The following MAGI2 variants were observed in gnomAD, a reference collection of about 807,000 sequenced individuals.
MAGI2 encodes the protein membrane-associated guanylate kinase, WW and PDZ domain-containing protein 2.
A neutral mutation model predicts 133.3 loss-of-function variants in MAGI2; 35 were observed. The ratio of observed to expected loss-of-function variants is 0.26; its 90% CI spans 0.20 to 0.35. The LOEUF (loss-of-function observed/expected upper bound fraction) is 0.35, where lower values mean the gene tolerates loss of function less well. Among genes scored for constraint, MAGI2 ranks in the 10% least tolerant of loss-of-function variants. The probability of loss-of-function intolerance (pLI) is 1.00; values close to 1 mark genes in which losing one functional copy is unlikely to be tolerated. For synonymous variants in MAGI2, 729 were observed against 710.6 expected (o/e 1.03, Z -0.41); for missense variants, 1,636 against 1,863.4 (o/e 0.88, Z 2.25).
chr7:78,734,490 A>T (rs1821663190), intron 2 of MAGI2, among the ~76,000 whole-genome samples: 2 of 152,154 alleles, frequency 1.3e-5, no homozygotes, highest in African/African-American at 4.8e-5. Flanking sequence ...AATTGCATTT[A>T]TGGCCTCAAT....
intron 2 of MAGI2, among the ~76,000 whole-genome samples, chr7:79,004,486 A>G (rs1314624170): frequency 1.3e-5 from 2 of 152,194 alleles, no homozygotes; most frequent in African/African-American, 2.4e-5. Flanking sequence ...AGGTAGATTA[A>G]TGGGTACAAA....
At chr7:78,279,130 T>C (rs2151005964) in intron 9 of MAGI2, among the ~76,000 whole-genome samples, 1 of 152,296 alleles carries the variant, frequency 6.6e-6, no homozygotes, top group South Asian at 2.1e-4. Context: ...CTTTACTTAC[T>C]TGGTACAGCA....
chr7:79,192,885 A>G (rs556523568), intron 1 of MAGI2, among the ~76,000 whole-genome samples: 10 of 151,952 alleles, frequency 6.6e-5, no homozygotes. Flanking sequence ...GTTGGGGGAG[A>G]GAGCAAAACA....
At chr7:78,596,136 G>C (rs912474426) in intron 3 of MAGI2, among the ~76,000 whole-genome samples, 1 of 142,124 alleles carries the variant, frequency 7.0e-6, no homozygotes, top group African/African-American at 2.6e-5. Flanking sequence ...GAAGGAAGGA[G>C]GGAAAGAATG....
At chr7:78,560,881 C>A (rs1488445111) in intron 3 of MAGI2, among the ~76,000 whole-genome samples, 1 of 152,156 alleles carries the variant, frequency 6.6e-6, no homozygotes, top group Non-Finnish European at 1.5e-5. Context: ...CTAGTAGATG[C>A]AGCTGAGGCA....
intron 6 of MAGI2, among the ~76,000 whole-genome samples, chr7:78,488,324 G>A (rs762441356): frequency 3.3e-5 from 5 of 151,960 alleles, no homozygotes; most frequent in African/African-American, 4.8e-5. Context: ...TTATGCTTGC[G>A]TCTCTCTCAG....
intron 6 of MAGI2, among the ~76,000 whole-genome samples, chr7:78,406,871 A>G (rs934539631): frequency 6.6e-6 from 1 of 152,088 alleles, no homozygotes; most frequent in Non-Finnish European, 1.5e-5. Flanking sequence ...ATAGCTTCCT[A>G]AATTCATGAC....
intron 1 of MAGI2, among the ~76,000 whole-genome samples, chr7:79,138,863 G>C: frequency 6.6e-6 from 1 of 151,716 alleles, no homozygotes; most frequent in Middle Eastern, 3.2e-3. Flanking sequence ...AAAATTAGCC[G>C]GGTGTGGTGG....
At chr7:78,127,834 A>C (rs1467145383) in intron 18 of MAGI2, among the ~76,000 whole-genome samples, 1 of 152,096 alleles carries the variant, frequency 6.6e-6, no homozygotes, top group African/African-American at 2.4e-5. Context: ...TTTCTCTCAC[A>C]CACACCCCTT....
At chr7:79,320,625 G>C (rs1389729603) in intron 1 of MAGI2, among the ~76,000 whole-genome samples, 2 of 152,082 alleles carry the variant, frequency 1.3e-5, no homozygotes, top group African/African-American at 4.8e-5. Flanking sequence ...TTAGGTCATA[G>C]AACAATAGAT....
intron 2 of MAGI2, among the ~76,000 whole-genome samples, chr7:78,872,678 A>T (rs1795127602): frequency 6.7e-6 from 1 of 149,938 alleles, no homozygotes; most frequent in African/African-American, 2.5e-5. Context: ...TATTTTGTTT[A>T]TGCTTTTAGT....
chr7:79,229,080 A>T (rs1831128299), intron 1 of MAGI2, among the ~76,000 whole-genome samples: 1 of 151,524 alleles, frequency 6.6e-6, no homozygotes, highest in African/African-American at 2.4e-5. Context: ...TGTATACGAC[A>T]ATGATTTTTT....
intron 1 of MAGI2, among the ~76,000 whole-genome samples, chr7:79,123,377 G>C (rs1035044066): frequency 6.6e-6 from 1 of 152,048 alleles, no homozygotes; most frequent in African/African-American, 2.4e-5. Context: ...TTTTGGCTCC[G>C]TCATTTACCA....
chr7:79,335,363 GTGATA>G (rs1295481193), intron 1 of MAGI2, among the ~76,000 whole-genome samples: 3 of 152,074 alleles, frequency 2.0e-5, no homozygotes, highest in African/African-American at 7.2e-5. Flanking sequence ...AATGCCTGCT[GTGATA>G]TGAGTGGCAT....
chr7:78,090,021 TCTTC>T (rs1214843435), intron 20 of MAGI2, among the ~76,000 whole-genome samples: 1 of 152,160 alleles, frequency 6.6e-6, no homozygotes, highest in Non-Finnish European at 1.5e-5. Context: ...CTTCCTCCAC[TCTTC>T]CTTCCTCGGC....
chr7:78,525,749 A>C (rs1244594035), intron 3 of MAGI2, among the ~76,000 whole-genome samples: 1 of 152,214 alleles, frequency 6.6e-6, no homozygotes, highest in East Asian at 1.9e-4. Context: ...AATTCAGTTA[A>C]AGTGGGAAAG....
Position 78,332,697 on chromosome 7 carries a change from CAAAAAA to C in MAGI2, c.1408+11075_1408+11080del, listed in dbSNP as rs35777998. 2.6e-5 allele frequency among the ~76,000 whole-genome samples: 3 copies of C among 117,326 alleles called. No homozygotes were observed. The Admixed American group carries it at 2.6e-4, about 10-fold the overall frequency. 77.0% of individuals were successfully genotyped at this position (117,326 alleles called of 152,430 possible). A position where few individuals can be genotyped will look rare whatever the true frequency, so the allele number is the denominator to read the frequency against. On this transcript the variant is annotated intron_variant, in intron 9 of 21. Coordinates refer to ENST00000354212, the MANE Select transcript of MAGI2 (RefSeq NM_012301.4). ...TGGGTGACAGAGCGAGACTCCGTCT[CAAAAAA>C]AAAAAAAAAAAAAAAGGAGAGTAGT...
intron 9 of MAGI2, among the ~76,000 whole-genome samples, chr7:78,269,783 G>A (rs1045850519): frequency 6.6e-6 from 1 of 152,116 alleles, no homozygotes; most frequent in African/African-American, 2.4e-5. Context: ...GATCCCATTT[G>A]TCAATTTTGG....
At chr7:79,405,921 C>CAAAAA (rs34025242) in intron 1 of MAGI2, among the ~76,000 whole-genome samples, 12 of 107,232 alleles carry the variant, frequency 1.1e-4, no homozygotes, top group Non-Finnish European at 2.2e-4. Flanking sequence ...AACCACAACA[C>CAAAAA]AAAAAAAAAA....
Sources: allele counts gnomAD v4.1 joint callset (sites outside exome capture counted in the v4.1 genomes callset), GRCh38; gene constraint gnomAD v4.1.1; transcripts MANE v1.5; gene names NCBI Gene and HGNC (gene_info 2026-07-23, HGNC 2026-07-21).